The following HEMK2 variants were observed in gnomAD, a reference collection of about 807,000 sequenced individuals.
HEMK2 encodes the protein methyltransferase HEMK2.
At chr21:28,628,244 T>C in the HEMK2 span, among the ~76,000 whole-genome samples, 1 of 152,318 alleles carries the variant, frequency 6.6e-6, no homozygotes, top group South Asian at 2.1e-4. Context: ...AGCTTCCTTT[T>C]TATTTGACAT....
At chr21:28,850,625 T>C in the HEMK2 span, among the ~76,000 whole-genome samples, 1 of 152,204 alleles carries the variant, frequency 6.6e-6, no homozygotes, top group Non-Finnish European at 1.5e-5. Context: ...AGGTGATTTC[T>C]TACCACCAGA....
the HEMK2 span, among the ~76,000 whole-genome samples, chr21:28,647,817 TG>T: frequency 6.6e-6 from 1 of 152,272 alleles, no homozygotes; most frequent in East Asian, 1.9e-4. Context: ...CACTCAGGCT[TG>T]GGATGCACTG....
At chr21:28,586,739 T>C in the HEMK2 span, among the ~76,000 whole-genome samples, 2 of 152,220 alleles carry the variant, frequency 1.3e-5, no homozygotes, top group African/African-American at 4.8e-5. Flanking sequence ...TTCTTAACAC[T>C]GGACAGTCCA....
At chr21:28,861,286 T>C in the HEMK2 span, among the ~76,000 whole-genome samples, 3 of 152,192 alleles carry the variant, frequency 2.0e-5, no homozygotes, top group South Asian at 4.1e-4. Flanking sequence ...CCTGCTGTAA[T>C]AAACAGCAGA....
At chr21:28,654,575 G>T in the HEMK2 span, among the ~76,000 whole-genome samples, 1 of 152,022 alleles carries the variant, frequency 6.6e-6, no homozygotes, top group African/African-American at 2.4e-5. Context: ...AACTTGCCAG[G>T]ACAGAGTTTC....
the HEMK2 span, among the ~76,000 whole-genome samples, chr21:28,806,262 T>C: frequency 6.6e-6 from 1 of 152,346 alleles, no homozygotes; most frequent in East Asian, 1.9e-4. Context: ...TGTGGGCTTT[T>C]AGTTATTCAG....
the HEMK2 span, among the ~76,000 whole-genome samples, chr21:28,831,726 GGAAGGAAGGAAA>G: frequency 7.7e-5 from 3 of 38,938 alleles, no homozygotes; most frequent in South Asian, 1.2e-3. Flanking sequence ...AAGGAAGGAA[GGAAGGAAGGAAA>G]GAAAGAAAGA....
the HEMK2 span, among the ~76,000 whole-genome samples, chr21:28,636,303 G>A: frequency 1.3e-5 from 2 of 152,008 alleles, no homozygotes; most frequent in African/African-American, 2.4e-5. Context: ...GCAGCTTTCC[G>A]CACATGGCCA....
the HEMK2 span, among the ~76,000 whole-genome samples, chr21:28,720,917 A>T: frequency 6.8e-4 from 104 of 152,262 alleles, 1 homozygote; most frequent in Admixed American, 2.4e-3. Context: ...ATTAGTAAAT[A>T]ATCTGGTAAT....
At chr21:28,774,449 G>A in the HEMK2 span, among the ~76,000 whole-genome samples, 4 of 152,248 alleles carry the variant, frequency 2.6e-5, no homozygotes, top group African/African-American at 7.2e-5. Flanking sequence ...TTAGCCAGGT[G>A]TGGTGGCACA....
At chr21:28,873,650 T>A in the HEMK2 span, 1 of 152,222 alleles carries the variant, frequency 6.6e-6, no homozygotes, top group Non-Finnish European at 1.5e-5. Flanking sequence ...ATCCTGTGTA[T>A]TCCCAACATA....
the HEMK2 span, among the ~76,000 whole-genome samples, chr21:28,629,356 G>T: frequency 4.6e-5 from 7 of 152,272 alleles, no homozygotes; most frequent in Middle Eastern, 3.4e-3. Context: ...AAATAAGTGG[G>T]CCTAGGTTTA....
chr21:28,722,741 G>T, the HEMK2 span, among the ~76,000 whole-genome samples: 1 of 152,106 alleles, frequency 6.6e-6, no homozygotes, highest in Non-Finnish European at 1.5e-5. Flanking sequence ...AAAATTAGCC[G>T]GGCATGGTGG....
the HEMK2 span, among the ~76,000 whole-genome samples, chr21:28,707,666 TC>T: frequency 1.6e-4 from 25 of 152,128 alleles, no homozygotes; most frequent in Non-Finnish European, 2.5e-4. Flanking sequence ...AATGCTCTTC[TC>T]AATAAACTAT....
the HEMK2 span, among the ~76,000 whole-genome samples, chr21:28,836,347 A>T: frequency 6.6e-6 from 1 of 152,234 alleles, no homozygotes; most frequent in African/African-American, 2.4e-5. Context: ...CTCCTCAAAC[A>T]AAACAATTAT....
At chr21:28,697,056 T>C in the HEMK2 span, among the ~76,000 whole-genome samples, 1 of 152,196 alleles carries the variant, frequency 6.6e-6, no homozygotes, top group Non-Finnish European at 1.5e-5. Context: ...GAAGAGCTGC[T>C]ATGAAAGTCT....
At chr21:28,665,614 A>G in the HEMK2 span, among the ~76,000 whole-genome samples, 1 of 151,812 alleles carries the variant, frequency 6.6e-6, no homozygotes, top group South Asian at 2.1e-4. Context: ...GTGGAGAAAT[A>G]GGAACACTTT....
At chr21:28,668,510 G>A in the HEMK2 span, among the ~76,000 whole-genome samples, 2 of 152,066 alleles carry the variant, frequency 1.3e-5, no homozygotes, top group African/African-American at 2.4e-5. Flanking sequence ...AAAAAGCAAC[G>A]ACATAAACAA....
At chr21:28,598,627 C>A in the HEMK2 span, among the ~76,000 whole-genome samples, 5 of 152,192 alleles carry the variant, frequency 3.3e-5, no homozygotes. Context: ...GAAACCACAG[C>A]CATGAGTTAG....
Sources: gnomAD v4.1 joint callset for allele counts (sites outside exome capture counted in the v4.1 genomes callset) on GRCh38, gnomAD v4.1.1 for gene constraint, MANE v1.5 for transcripts, NCBI Gene and HGNC (gene_info 2026-07-23, HGNC 2026-07-21) for gene names.